Variants in LRBA observed in about 807,000 individuals in gnomAD.
The protein encoded by LRBA is lipopolysaccharide-responsive and beige-like anchor protein.
A neutral mutation model predicts 330.0 loss-of-function variants in LRBA; 176 were observed. The observed-to-expected ratio is 0.53, with a 90% CI of 0.47 to 0.60. The LOEUF (loss-of-function observed/expected upper bound fraction) is 0.60, where lower values mean the gene tolerates loss of function less well. LRBA is among the 20% of genes least tolerant of loss of function. The probability of loss-of-function intolerance (pLI) is 0.00; values close to 1 mark genes in which losing one functional copy is unlikely to be tolerated. For synonymous variants in LRBA, 1,230 were observed against 1,193.0 expected, an observed-to-expected ratio of 1.03 and a Z score of -0.64; for missense variants, 3,259 against 3,444.8, an observed-to-expected ratio of 0.95 and a Z score of 1.35.
intron 43 of LRBA, 84 bp from the exon 44 acceptor site, chr4:150,467,869 AT>A: frequency 1.7e-6 from 1 of 598,882 alleles, no homozygotes. Flanking sequence ...TAAAAATAAG[AT>A]TAAACAATTT....
chr4:150,886,822 A>C (rs762138398), intron 17 of LRBA, among the ~76,000 whole-genome samples: 7 of 152,228 alleles, frequency 4.6e-5, no homozygotes, highest in African/African-American at 7.2e-5. Context: ...ATTACGCAAC[A>C]TACAAAGAGC....
intron 47 of LRBA, among the ~76,000 whole-genome samples, chr4:150,367,017 T>C (rs1451116618): frequency 5.3e-5 from 8 of 152,216 alleles, no homozygotes. Flanking sequence ...CTCCCCTACC[T>C]CTTAGTGAAT....
chr4:150,955,138 G>A (rs1466359194), intron 2 of LRBA, among the ~76,000 whole-genome samples: 5 of 148,728 alleles, frequency 3.4e-5, no homozygotes, highest in African/African-American at 5.2e-5. Context: ...AGCCAGGTGT[G>A]GTGGCACATG....
chr4:150,341,325 C>A (rs944196295), intron 48 of LRBA, among the ~76,000 whole-genome samples: 2 of 151,950 alleles, frequency 1.3e-5, no homozygotes, highest in South Asian at 2.1e-4. Flanking sequence ...CCACGCCTGG[C>A]TAATTATTTG....
At chr4:150,904,734 T>C (rs1484203044) in intron 13 of LRBA, among the ~76,000 whole-genome samples, 1 of 152,036 alleles carries the variant, frequency 6.6e-6, no homozygotes, top group African/African-American at 2.4e-5. Flanking sequence ...GACCTGGAGA[T>C]AAAAAGCTAC....
At chr4:150,413,222 T>G (rs1026899166) in intron 47 of LRBA, among the ~76,000 whole-genome samples, 1 of 152,004 alleles carries the variant, frequency 6.6e-6, no homozygotes, top group South Asian at 2.1e-4. Flanking sequence ...TTGTTAAGGA[T>G]AGGGAAAAAC....
intron 36 of LRBA, among the ~76,000 whole-genome samples, chr4:150,694,020 A>T (rs1784390836): frequency 6.6e-6 from 1 of 152,224 alleles, no homozygotes; most frequent in Non-Finnish European, 1.5e-5. Context: ...TCTTTTAAAG[A>T]CTTTTAAAAG....
At chr4:150,886,691 C>A (rs1728973709) in intron 17 of LRBA, among the ~76,000 whole-genome samples, 1 of 152,066 alleles carries the variant, frequency 6.6e-6, no homozygotes, top group South Asian at 2.1e-4. Flanking sequence ...GCAGCCCCAC[C>A]CTTACCAGGT....
intron 36 of LRBA, among the ~76,000 whole-genome samples, chr4:150,707,339 C>T (rs959872196): frequency 6.6e-6 from 1 of 151,426 alleles, no homozygotes; most frequent in African/African-American, 2.4e-5. Flanking sequence ...TAAAACAGCA[C>T]AGAAAAGTTA....
rs567265695 is a variant in LRBA, at chr4:150,467,116, G to A, written c.6780+557C>T. Reference sequence around the variant, plus strand: ...AGTAATAACTTCAAGAAGCTCCCCCGGTCAAAGAAAGAACAACTGAACATC... The same window carrying A: ...AGTAATAACTTCAAGAAGCTCCCCCAGTCAAAGAAAGAACAACTGAACATC... On this transcript the variant is annotated intron_variant, in intron 44 of 56. Transcript: ENST00000651943. Among the ~76,000 whole-genome samples the A allele has an allele frequency of 2.8e-4, 42 of 152,058 alleles. No individual in the cohort carries two copies. In the South Asian group the frequency reaches 5.2e-3, roughly 19 times the overall value.
chr4:150,329,432 C>A (rs1171303835), intron 48 of LRBA, among the ~76,000 whole-genome samples: 2 of 152,156 alleles, frequency 1.3e-5, no homozygotes, highest in East Asian at 1.9e-4. Flanking sequence ...ATCTCTGAAG[C>A]AATTTACAGA....
intron 34 of LRBA, among the ~76,000 whole-genome samples, chr4:150,767,138 T>TCCTCAA (rs1218049162): frequency 3.3e-5 from 5 of 152,066 alleles, no homozygotes; most frequent in Non-Finnish European, 7.4e-5. Flanking sequence ...TTCCTGCCTA[T>TCCTCAA]CCTCAACAAA....
chr4:150,848,037 C>CA (rs1054155983), intron 26 of LRBA, among the ~76,000 whole-genome samples: 2 of 150,946 alleles, frequency 1.3e-5, no homozygotes, highest in African/African-American at 4.9e-5. Context: ...TTTTTTGAGA[C>CA]AGAGTCCCGC....
At position 150,660,932 on chromosome 4, in the gene LRBA, G is replaced by A. The variant is rs1406956506; in HGVS notation, c.5921+22619C>T. Among the ~76,000 whole-genome samples, 15 of 117,136 alleles carry A rather than the reference G, an allele frequency of 1.3e-4. No individual in the cohort carries two copies. In the East Asian group the frequency reaches 2.8e-3, roughly 22 times the overall value. The allele number at this position is 117,136 out of a possible 152,430, so 76.8% of individuals were successfully genotyped here. On this transcript the variant is annotated intron_variant, in intron 37 of 56. Transcript: ENST00000651943. ...AAGTAATCAGGGACACAAACACTGC[G>A]GAAGGCCGCAGGGTCCTCTGCCTAG...
intron 40 of LRBA, among the ~76,000 whole-genome samples, chr4:150,534,589 A>G (rs2152209382): frequency 6.6e-6 from 1 of 152,194 alleles, no homozygotes; most frequent in South Asian, 2.1e-4. Flanking sequence ...CAATATTACA[A>G]AAACAATAGC....
At chr4:150,668,675 A>G (rs1781779974) in intron 37 of LRBA, among the ~76,000 whole-genome samples, 2 of 152,230 alleles carry the variant, frequency 1.3e-5, no homozygotes, top group Non-Finnish European at 2.9e-5. Context: ...AAAAATAAAT[A>G]TCACCCTTTC....
At chr4:150,295,198 T>C (rs1728824342) in intron 53 of LRBA, among the ~76,000 whole-genome samples, 2 of 31,018 alleles carry the variant, frequency 6.4e-5, no homozygotes, top group Admixed American at 5.1e-4. Context: ...AAATAGCTTT[T>C]TTTTTTTTTT....
At chr4:150,447,607 A>G (rs1030717523) in intron 44 of LRBA, among the ~76,000 whole-genome samples, 4 of 152,130 alleles carry the variant, frequency 2.6e-5, no homozygotes, top group African/African-American at 9.7e-5. Context: ...CCCTAATCAC[A>G]TCAGCCGATT....
chr4:150,871,947 C>T (rs1753494956), intron 18 of LRBA, among the ~76,000 whole-genome samples: 1 of 152,138 alleles, frequency 6.6e-6, no homozygotes, highest in Non-Finnish European at 1.5e-5. Context: ...TAAAGGATCA[C>T]AAACTTTAAT....
Sources: allele counts gnomAD v4.1 joint callset (sites outside exome capture counted in the v4.1 genomes callset), GRCh38; gene constraint gnomAD v4.1.1; transcripts MANE v1.5; gene names NCBI Gene and HGNC (gene_info 2026-07-23, HGNC 2026-07-21).